The following ARHGAP24 variants were observed in gnomAD, a reference collection of about 807,000 sequenced individuals.
The protein encoded by ARHGAP24 is Rho GTPase activating protein 24.
In ARHGAP24, 50 loss-of-function variants were observed where a neutral mutation model predicts 76.4. That is an observed-to-expected ratio of 0.65 (90% CI 0.52 to 0.83). ARHGAP24 has a LOEUF of 0.83. ARHGAP24 is among the 40% of genes least tolerant of loss of function. The probability of loss-of-function intolerance (pLI) is 0.00; values close to 1 mark genes in which losing one functional copy is unlikely to be tolerated. For synonymous variants in ARHGAP24, 345 were observed against 323.3 expected, an observed-to-expected ratio of 1.07 and a Z score of -0.72; for missense variants, 930 against 914.2, an observed-to-expected ratio of 1.02 and a Z score of -0.22.
chr4:85,832,588 A>T (rs573010948), intron 3 of ARHGAP24, among the ~76,000 whole-genome samples: 1 of 152,356 alleles, frequency 6.6e-6, no homozygotes, highest in South Asian at 2.1e-4. Context: ...TCCATTGTGG[A>T]CAACCCTCTC....
chr4:85,660,794 CAAAAAAAAAAA>C lies in ARHGAP24; in HGVS notation c.181-61078_181-61068del, dbSNP rs34228407. Among the ~76,000 whole-genome samples, 10 of 59,438 alleles carry C rather than the reference CAAAAAAAAAAA, an allele frequency of 1.7e-4. No homozygotes were observed. In the Admixed American group the frequency reaches 2.0e-3, roughly 12 times the overall value. The allele number at this position is 59,438 out of a possible 152,430, so 39.0% of individuals were successfully genotyped here. A position where few individuals can be genotyped will look rare whatever the true frequency, so the allele number is the denominator to read the frequency against. On this transcript the variant is annotated intron_variant, in intron 2 of 9. Coordinates refer to ENST00000395184, the MANE Select transcript of ARHGAP24 (RefSeq NM_001025616.3). The stretch of plus-strand genomic sequence containing the variant: ...CTGGTGACAGAGAGAGACTCCGTCT[CAAAAAAAAAAA>C]AAAAAAAAAAAATCTGTAGATGGGG...
intron 2 of ARHGAP24, among the ~76,000 whole-genome samples, chr4:85,606,364 T>A (rs1720193711): frequency 6.6e-6 from 1 of 151,918 alleles, no homozygotes; most frequent in South Asian, 2.1e-4. Context: ...TACAAAAAAA[T>A]TGACTGGGCG....
intron 1 of ARHGAP24, among the ~76,000 whole-genome samples, chr4:85,510,978 G>A (rs1016155845): frequency 1.3e-5 from 2 of 152,090 alleles, no homozygotes; most frequent in African/African-American, 4.8e-5. Flanking sequence ...CCTAGTATTA[G>A]TCTGTTTCTT....
intron 4 of ARHGAP24, among the ~76,000 whole-genome samples, chr4:85,939,785 G>A (rs935242363): frequency 2.6e-5 from 4 of 151,884 alleles, no homozygotes; most frequent in African/African-American, 4.8e-5. Context: ...TGGAAGTTTG[G>A]TTCATGTTTG....
Position 85,871,482 on chromosome 4 carries a change from G to T in ARHGAP24, c.269-52166G>T, listed in dbSNP as rs112136697. ...TTTGTAACATCACTTTCTACAGAAA[G>T]AATGAAAAGGTAAATCAGCCTTTCC... On this transcript the variant is annotated intron_variant, in intron 3 of 9. Coordinates refer to ENST00000395184, the MANE Select transcript of ARHGAP24 (RefSeq NM_001025616.3). Among the ~76,000 whole-genome samples the T allele has an allele frequency of 7.5e-3, 1,137 of 152,190 alleles. 11 individuals carry two copies. The highest frequency in any genetic ancestry group is 0.026 in the African/African-American group (1,080 of 41,528).
At chr4:85,848,677 T>G (rs575791001) in intron 3 of ARHGAP24, among the ~76,000 whole-genome samples, 1 of 152,220 alleles carries the variant, frequency 6.6e-6, no homozygotes, top group Non-Finnish European at 1.5e-5. Context: ...CTAGCCAGTT[T>G]GCACAACGCC....
chr4:85,909,904 T>C (rs1355767106), intron 3 of ARHGAP24, among the ~76,000 whole-genome samples: 2 of 152,202 alleles, frequency 1.3e-5, no homozygotes, highest in African/African-American at 2.4e-5. Context: ...TTTGCCTGAG[T>C]GTTGCTCAGG....
At chr4:85,897,881 G>C (rs1734275558) in intron 3 of ARHGAP24, among the ~76,000 whole-genome samples, 1 of 151,940 alleles carries the variant, frequency 6.6e-6, no homozygotes, top group South Asian at 2.1e-4. Context: ...AAAGTGGTGG[G>C]TGTGTGCACG....
chr4:85,718,391 A>G (rs10014910), intron 2 of ARHGAP24, among the ~76,000 whole-genome samples: 111 of 152,226 alleles, frequency 7.3e-4, no homozygotes, highest in African/African-American at 2.6e-3. Flanking sequence ...TTATACACAC[A>G]TGTATAAACA....
intron 2 of ARHGAP24, among the ~76,000 whole-genome samples, chr4:85,683,116 G>C (rs1166718431): frequency 1.1e-5 from 1 of 90,844 alleles, no homozygotes; most frequent in Admixed American, 1.1e-4. Flanking sequence ...GTGTGGGGGG[G>C]TGGGGGGGGG....
At chr4:85,852,055 G>A (rs1731265412) in intron 3 of ARHGAP24, among the ~76,000 whole-genome samples, 1 of 152,096 alleles carries the variant, frequency 6.6e-6, no homozygotes, top group Non-Finnish European at 1.5e-5. Context: ...TTCCAGCTTG[G>A]TTCCATTCTC....
At chr4:85,486,367 T>C (rs1348625120) in intron 1 of ARHGAP24, among the ~76,000 whole-genome samples, 1 of 152,164 alleles carries the variant, frequency 6.6e-6, no homozygotes, top group Non-Finnish European at 1.5e-5. Flanking sequence ...AATATGTGTA[T>C]GATGGTCCGT....
chr4:85,747,030 G>A (rs1486876584), intron 3 of ARHGAP24, among the ~76,000 whole-genome samples: 2 of 152,064 alleles, frequency 1.3e-5, no homozygotes, highest in African/African-American at 4.8e-5. Context: ...ACCATGGCTG[G>A]GACATCACTG....
chr4:85,829,546 C>T (rs345363), intron 3 of ARHGAP24, among the ~76,000 whole-genome samples: 49,088 of 151,992 alleles, frequency 0.32, 9,457 homozygotes, highest in Non-Finnish European at 0.45. Flanking sequence ...GCTTTCTATG[C>T]GAGTTAAGAA....
At chr4:85,901,720 A>G (rs1734502071) in intron 3 of ARHGAP24, among the ~76,000 whole-genome samples, 1 of 152,160 alleles carries the variant, frequency 6.6e-6, no homozygotes, top group South Asian at 2.1e-4. Context: ...CCAAGGGGTA[A>G]TTTATTTGCC....
At chr4:85,706,973 C>G (rs11097067) in intron 2 of ARHGAP24, among the ~76,000 whole-genome samples, 147,679 of 152,242 alleles carry the variant, frequency 0.97, 71,782 homozygotes, top group East Asian at 1. Flanking sequence ...AAAGTGCAGT[C>G]GTGCTATCAT....
chr4:85,669,679 A>G (rs1275764009), intron 2 of ARHGAP24, among the ~76,000 whole-genome samples: 2 of 97,396 alleles, frequency 2.1e-5, no homozygotes, highest in Non-Finnish European at 4.1e-5. Flanking sequence ...ATATATATAT[A>G]TATATATATA....
In ARHGAP24 at chr4:85,816,652, C is replaced by T. The variant is rs77995011; in HGVS notation, c.268+94680C>T. ...ATTTGGTATACATATATGTATAACACATTTTTTATATCCATCAGTAGACAC... is the reference window on the plus strand; with the variant it reads ...ATTTGGTATACATATATGTATAACATATTTTTTATATCCATCAGTAGACAC... On this transcript the variant is annotated intron_variant, in intron 3 of 9. Coordinates refer to ENST00000395184, the MANE Select transcript of ARHGAP24 (RefSeq NM_001025616.3). Among the ~76,000 whole-genome samples, 1,446 of 152,206 alleles carry T rather than the reference C, an allele frequency of 9.5e-3. 27 individuals carry two copies. The highest frequency in any genetic ancestry group is 0.033 in the African/African-American group (1,354 of 41,552).
chr4:85,564,893 G>C (rs1028692634), intron 1 of ARHGAP24, among the ~76,000 whole-genome samples: 93 of 139,560 alleles, frequency 6.7e-4, no homozygotes, highest in African/African-American at 2.4e-3. Flanking sequence ...CGAGGGGGTT[G>C]GGGACCCCTG....
Sources: gnomAD v4.1 joint callset for allele counts (sites outside exome capture counted in the v4.1 genomes callset) on GRCh38, gnomAD v4.1.1 for gene constraint, MANE v1.5 for transcripts, NCBI Gene and HGNC (gene_info 2026-07-23, HGNC 2026-07-21) for gene names.